ZFYVE9: variants seen among roughly 807,000 people sequenced by gnomAD.
ZFYVE9 encodes zinc finger FYVE-type containing 9.
Under a neutral mutation model 126.7 loss-of-function variants are expected in ZFYVE9, and 43 were observed. The ratio of observed to expected loss-of-function variants is 0.34; its 90% CI spans 0.27 to 0.44. The LOEUF (loss-of-function observed/expected upper bound fraction) is 0.44. ZFYVE9 is among the 20% of genes least tolerant of loss of function. The pLI is 1.00. For synonymous variants in ZFYVE9, 521 were observed against 597.4 expected (o/e 0.87, Z 1.87); for missense variants, 1,476 against 1,697.0 (o/e 0.87, Z 2.29).
chr1:52,286,747 G>C (rs1645864852), intron 10 of ZFYVE9, among the ~76,000 whole-genome samples: 1 of 152,128 alleles, frequency 6.6e-6, no homozygotes, highest in African/African-American at 2.4e-5. Context: ...AAGCTACTTT[G>C]GCTTTGTATT....
intron 1 of ZFYVE9, among the ~76,000 whole-genome samples, chr1:52,168,979 C>T (rs919843173): frequency 2.0e-4 from 31 of 152,162 alleles, no homozygotes; most frequent in African/African-American, 7.2e-4. Context: ...CTTTCCCTCC[C>T]TTAATCTGTG....
chr1:52,288,678 T>A (rs1569678376), intron 10 of ZFYVE9, among the ~76,000 whole-genome samples: 1 of 152,086 alleles, frequency 6.6e-6, no homozygotes, highest in African/African-American at 2.4e-5. Flanking sequence ...CCCAACACTT[T>A]GGGAAGCCGA....
chr1:52,183,274 C>T lies in ZFYVE9; in HGVS notation c.-142-33095C>T, dbSNP rs187677061. ...AGTAGATTGTTTCAAAATTAATTAA[C>T]GTATATATTGGGAAGTAAACCAGTT... is the stretch of plus-strand genomic sequence containing the variant. On this transcript the variant is annotated intron_variant, in intron 1 of 18. Transcript: ENST00000287727. Among the ~76,000 whole-genome samples, 163 of 152,126 alleles carry T rather than the reference C, an allele frequency of 1.1e-3. 3 individuals are homozygous for T. The East Asian group carries it at 0.022, about 21-fold the overall frequency.
Position 52,311,887 on chromosome 1 carries a change from C to G in ZFYVE9, c.3438+7962C>G, listed in dbSNP as rs141060612. Among the ~76,000 whole-genome samples, 976 of 151,832 alleles carry G rather than the reference C, an allele frequency of 6.4e-3. 13 individuals carry two copies. Among genetic ancestry groups the G allele is most frequent in the Middle Eastern group, 0.014 (4 of 292 alleles). On this transcript the variant is annotated intron_variant, in intron 13 of 18. Transcript: ENST00000287727. ...CTCAGTGCAACTTTCGCTTCCTGGA[C>G]TCAAGCAGTTCTCCTGCCTCAGCCT...
intron 1 of ZFYVE9, among the ~76,000 whole-genome samples, chr1:52,154,149 A>G (rs1644381210): frequency 6.6e-6 from 1 of 152,216 alleles, no homozygotes; most frequent in South Asian, 2.1e-4. Flanking sequence ...TAAGTGCTGT[A>G]TAAGTCTATA....
rs1553130230 is a variant in ZFYVE9 at position 52,263,767 on chromosome 1, C to CGCA, written c.2179-6_2179-5insGCA. ...TTGTGTGTTCTTCCCCCCCCCCCCC[C>CGCA]CACAGGTTTTCTGTGCTTCCTGCTG... is the stretch of plus-strand genomic sequence containing the variant. On this transcript the variant is annotated splice_polypyrimidine_tract_variant and splice_region_variant and intron_variant, in intron 4 of 18. Coordinates refer to ENST00000287727, the MANE Select transcript of ZFYVE9 (RefSeq NM_004799.4). 1 of 1,230,462 alleles carries CGCA rather than the reference C, an allele frequency of 8.1e-7. No homozygotes were observed. Among genetic ancestry groups the CGCA allele is most frequent in the African/African-American group, 2.0e-5 (1 of 49,102 alleles). The allele number at this position is 1,230,462 out of a possible 1,614,324, so 76.2% of individuals were successfully genotyped here.
intron 1 of ZFYVE9, among the ~76,000 whole-genome samples, chr1:52,150,631 G>T (rs1644347826): frequency 1.3e-5 from 2 of 151,874 alleles, no homozygotes; most frequent in African/African-American, 2.4e-5. Flanking sequence ...GCTGGGCGTG[G>T]CGTTGGGCCC....
chr1:52,199,352 C>T (rs549458682), intron 1 of ZFYVE9, among the ~76,000 whole-genome samples: 18 of 151,958 alleles, frequency 1.2e-4, no homozygotes, highest in Admixed American at 3.3e-4. Context: ...AGTGAGCCAC[C>T]GTACCTGGCC....
At chr1:52,229,485 C>T (rs955624418) in intron 2 of ZFYVE9, among the ~76,000 whole-genome samples, 2 of 152,136 alleles carry the variant, frequency 1.3e-5, no homozygotes, top group African/African-American at 4.8e-5. Flanking sequence ...GTTTCTTCCC[C>T]AATAATAATT....
intron 2 of ZFYVE9, among the ~76,000 whole-genome samples, chr1:52,221,377 T>A (rs1278641942): frequency 6.6e-6 from 1 of 152,318 alleles, no homozygotes; most frequent in African/African-American, 2.4e-5. Flanking sequence ...ATGCGTAGAT[T>A]CTTCTGGGTT....
At chr1:52,324,835 C>T (rs1023933864) in intron 13 of ZFYVE9, among the ~76,000 whole-genome samples, 2 of 152,180 alleles carry the variant, frequency 1.3e-5, no homozygotes, top group East Asian at 1.9e-4. Context: ...AACTGAATCA[C>T]TAAAACTTAT....
chr1:52,346,001 A>G, intron 18 of ZFYVE9, 59 bp from the exon 19 acceptor site: 1 of 1,455,408 alleles, frequency 6.9e-7, no homozygotes, highest in Non-Finnish European at 9.1e-7. Flanking sequence ...CCTTGCCCTC[A>G]GCCCTGGAGA....
Position 52,263,078 on chromosome 1 carries a change from CA to C in ZFYVE9, c.2179-676del, listed in dbSNP as rs759753454. ...TGGGCCACAGAGTCAAATTGTGTCTCAAAAAAAAAAAAAAAAAAAGAAAAGA... is the reference window on the plus strand; with the variant it reads ...TGGGCCACAGAGTCAAATTGTGTCTCAAAAAAAAAAAAAAAAAAGAAAAGA... On this transcript the variant is annotated intron_variant, in intron 4 of 18. Coordinates refer to ENST00000287727, the MANE Select transcript of ZFYVE9 (RefSeq NM_004799.4). Among the ~76,000 whole-genome samples, 165 of 70,346 alleles carry C rather than the reference CA, an allele frequency of 2.3e-3. 2 individuals carry two copies. The East Asian group carries it at 0.032, about 14-fold the overall frequency. The allele number at this position is 70,346 out of a possible 152,430, so 46.1% of individuals were successfully genotyped here.
intron 1 of ZFYVE9, among the ~76,000 whole-genome samples, chr1:52,155,695 G>A (rs894641017): frequency 6.6e-6 from 1 of 152,200 alleles, no homozygotes; most frequent in Middle Eastern, 3.2e-3. Context: ...TTGCTGCAGA[G>A]TTGTTGCCCC....
chr1:52,320,834 T>C (rs1279443223), intron 13 of ZFYVE9, among the ~76,000 whole-genome samples: 2 of 152,136 alleles, frequency 1.3e-5, no homozygotes, highest in Admixed American at 6.6e-5. Context: ...TTGTACACTT[T>C]AAATATGTGT....
chr1:52,217,650 A>T (rs1645084688), intron 2 of ZFYVE9, among the ~76,000 whole-genome samples: 1 of 152,204 alleles, frequency 6.6e-6, no homozygotes, highest in Non-Finnish European at 1.5e-5. Context: ...GGAAGTAAAG[A>T]TTGAGGTCAT....
chr1:52,154,631 C>T (rs1247988670), intron 1 of ZFYVE9, among the ~76,000 whole-genome samples: 3 of 152,294 alleles, frequency 2.0e-5, no homozygotes, highest in Admixed American at 1.3e-4. Context: ...CCACCCATAC[C>T]CCTTGCCTTT....
At chr1:52,232,590 T>C (rs917540916) in intron 2 of ZFYVE9, among the ~76,000 whole-genome samples, 14 of 151,630 alleles carry the variant, frequency 9.2e-5, no homozygotes, top group African/African-American at 3.4e-4. Context: ...TAGCTGGACA[T>C]GGTGGTGCTT....
intron 7 of ZFYVE9, 114 bp downstream of exon 7, chr1:52,268,746 A>G: frequency 2.5e-6 from 3 of 1,218,642 alleles, no homozygotes; most frequent in Non-Finnish European, 2.2e-6. Flanking sequence ...AACTTAGTGT[A>G]TACGTGCACA....
Sources: gnomAD v4.1 joint callset for allele counts (sites outside exome capture counted in the v4.1 genomes callset) on GRCh38, gnomAD v4.1.1 for gene constraint, MANE v1.5 for transcripts, NCBI Gene and HGNC (gene_info 2026-07-23, HGNC 2026-07-21) for gene names.